Variants in DOCK1 observed in about 807,000 individuals in gnomAD.
DOCK1 encodes the protein dedicator of cytokinesis 1.
DOCK1 carries 138 observed loss-of-function variants against 262.7 expected under a neutral mutation model. The observed-to-expected ratio is 0.53, with a 90% CI of 0.46 to 0.61. The LOEUF (loss-of-function observed/expected upper bound fraction) is 0.61, where lower values mean the gene tolerates loss of function less well. DOCK1 is among the 20% of genes least tolerant of loss of function. The pLI is 0.00. For missense variants in DOCK1, 1,908 were observed against 2,370.7 expected (o/e 0.80, Z 4.05); for synonymous variants, 866 against 867.4 (o/e 1.00, Z 0.03).
chr10:127,115,054 C>T (rs987488787), intron 25 of DOCK1, among the ~76,000 whole-genome samples: 1 of 152,170 alleles, frequency 6.6e-6, no homozygotes, highest in African/African-American at 2.4e-5. Flanking sequence ...CGCGCCCGGC[C>T]AGTCCATCTT....
At chr10:126,931,141 G>A (rs983079684) in intron 1 of DOCK1, among the ~76,000 whole-genome samples, 10 of 152,092 alleles carry the variant, frequency 6.6e-5, no homozygotes, top group African/African-American at 2.2e-4. Flanking sequence ...TCGGAAATAA[G>A]ATCTGGGCAG....
intron 12 of DOCK1, among the ~76,000 whole-genome samples, chr10:127,013,011 C>T (rs2041587741): frequency 6.6e-6 from 1 of 152,210 alleles, no homozygotes; most frequent in Non-Finnish European, 1.5e-5. Flanking sequence ...ATGCAGACTG[C>T]CCGTAAACGC....
intron 38 of DOCK1, among the ~76,000 whole-genome samples, chr10:127,388,554 G>T (rs1369804442): frequency 6.6e-6 from 1 of 152,194 alleles, no homozygotes; most frequent in Non-Finnish European, 1.5e-5. Context: ...TAACAATCTG[G>T]ATGGCCTGCA....
At chr10:127,243,587 A>G (rs2059335423) in intron 27 of DOCK1, among the ~76,000 whole-genome samples, 1 of 152,044 alleles carries the variant, frequency 6.6e-6, no homozygotes, top group Admixed American at 6.6e-5. Flanking sequence ...ACCTAGTGAA[A>G]TGGGGGCCCA....
chr10:127,370,229 C>T (rs1471504446), intron 33 of DOCK1, among the ~76,000 whole-genome samples: 2 of 152,148 alleles, frequency 1.3e-5, no homozygotes, highest in Non-Finnish European at 2.9e-5. Flanking sequence ...GCACTCTGGG[C>T]AAAGAGCAGC....
intron 10 of DOCK1, among the ~76,000 whole-genome samples, chr10:127,008,020 A>G (rs994819403): frequency 1.1e-4 from 16 of 152,354 alleles, no homozygotes; most frequent in African/African-American, 3.8e-4. Flanking sequence ...CACTTGTCAC[A>G]TGTGACTAGT....
At chr10:127,323,425 AATTGTGCT>A (rs1164971074) in intron 29 of DOCK1, among the ~76,000 whole-genome samples, 1 of 152,102 alleles carries the variant, frequency 6.6e-6, no homozygotes, top group Non-Finnish European at 1.5e-5. Context: ...CCTTTCAGCC[AATTGTGCT>A]GAGGCAAAGG....
At chr10:127,189,931 A>C (rs912929744) in intron 27 of DOCK1, among the ~76,000 whole-genome samples, 45 of 152,322 alleles carry the variant, frequency 3.0e-4, no homozygotes, top group Admixed American at 2.9e-3. Flanking sequence ...CGTCAAATTG[A>C]GATGTGAGGT....
intron 13 of DOCK1, among the ~76,000 whole-genome samples, chr10:127,019,479 T>C (rs1160694864): frequency 6.6e-6 from 1 of 152,184 alleles, no homozygotes. Context: ...CAGGGCGTAG[T>C]GGCTCATGCC....
chr10:127,235,399 G>A lies in DOCK1; in HGVS notation c.2848-12609G>A, dbSNP rs117505526. Among the ~76,000 whole-genome samples the A allele has an allele frequency of 9.4e-3, 1,423 of 152,154 alleles. 17 individuals are homozygous for A. Among genetic ancestry groups the A allele is most frequent in the South Asian group, 0.017 (82 of 4,820 alleles). On this transcript the variant is annotated intron_variant, in intron 27 of 51. Transcript: ENST00000623213. ...GGATTCATACAGTGTCTAGCCTTCT[G>A]TATCTGGCTTATTTTGCTTAGCATG...
At chr10:127,093,936 G>A (rs2047744025) in intron 23 of DOCK1, among the ~76,000 whole-genome samples, 1 of 152,124 alleles carries the variant, frequency 6.6e-6, no homozygotes, top group South Asian at 2.1e-4. Context: ...TCATCCCATG[G>A]CAGAAGGTGA....
intron 1 of DOCK1, among the ~76,000 whole-genome samples, chr10:126,941,153 T>C (rs954560954): frequency 1.5e-4 from 23 of 152,178 alleles, no homozygotes; most frequent in African/African-American, 2.4e-4. Context: ...CGTGCAGTGT[T>C]ACCAGAGGGC....
chr10:127,447,281 A>G (rs1347136990), intron 50 of DOCK1, 113 bp from the exon 51 acceptor site: 5 of 1,461,248 alleles, frequency 3.4e-6, no homozygotes, highest in Non-Finnish European at 4.6e-6. Context: ...TTTCTGCCAG[A>G]TGAAGTGTTT....
chr10:127,403,735 G>A (rs1335512975), intron 39 of DOCK1, among the ~76,000 whole-genome samples: 1 of 152,158 alleles, frequency 6.6e-6, no homozygotes, highest in Non-Finnish European at 1.5e-5. Context: ...CTCCAGCCTG[G>A]GCAACAGAGT....
At chr10:127,320,561 G>A (rs1176793242) in intron 29 of DOCK1, among the ~76,000 whole-genome samples, 1 of 152,212 alleles carries the variant, frequency 6.6e-6, no homozygotes, top group Non-Finnish European at 1.5e-5. Flanking sequence ...ACAGCAGTGT[G>A]AGGAATGGGC....
intron 27 of DOCK1, among the ~76,000 whole-genome samples, chr10:127,222,628 T>TTTGTGTTGTG (rs71032542): frequency 0.015 from 2,112 of 145,620 alleles, 21 homozygotes; most frequent in Middle Eastern, 0.021. Context: ...GTGTTTTTGT[T>TTTGTGTTGTG]TTGTGTTGTG....
chr10:127,380,389 T>C (rs2274379), intron 36 of DOCK1, among the ~76,000 whole-genome samples: 14,135 of 152,140 alleles, frequency 0.093, 802 homozygotes, highest in African/African-American at 0.17. Flanking sequence ...TTGTACCTGT[T>C]GACCAACTCA....
intron 27 of DOCK1, among the ~76,000 whole-genome samples, chr10:127,195,361 CA>C (rs901397597): frequency 3.3e-5 from 5 of 152,200 alleles, no homozygotes; most frequent in African/African-American, 1.2e-4. Flanking sequence ...CTCGGGCTGC[CA>C]GGCACCGGGA....
intron 1 of DOCK1, among the ~76,000 whole-genome samples, chr10:126,942,169 G>T (rs970335726): frequency 1.3e-5 from 2 of 152,114 alleles, no homozygotes; most frequent in African/African-American, 2.4e-5. Flanking sequence ...GACTACAGGC[G>T]CCCGCCACCA....
Sources: allele counts gnomAD v4.1 joint callset (sites outside exome capture counted in the v4.1 genomes callset), GRCh38; gene constraint gnomAD v4.1.1; transcripts MANE v1.5; gene names NCBI Gene and HGNC (gene_info 2026-07-23, HGNC 2026-07-21).